The following NPRL3 variants were observed in gnomAD, a reference collection of about 807,000 sequenced individuals.
NPRL3 encodes GATOR1 complex protein NPRL3.
Under a neutral mutation model 57.2 loss-of-function variants are expected in NPRL3, and 23 were observed. That is an observed-to-expected ratio of 0.40 (90% CI 0.29 to 0.57). NPRL3 has a LOEUF of 0.57. Ranked by LOEUF, NPRL3 falls within the 20% of genes least tolerant of loss-of-function variation. The probability of loss-of-function intolerance (pLI) is 0.42; values close to 1 mark genes in which losing one functional copy is unlikely to be tolerated. For missense variants in NPRL3, 691 were observed against 767.1 expected (o/e 0.90, Z 1.17); for synonymous variants, 333 against 321.1 (o/e 1.04, Z -0.39).
intron 2 of NPRL3, among the ~76,000 whole-genome samples, chr16:133,808 A>G (rs1900926317): frequency 6.6e-6 from 1 of 152,196 alleles, no homozygotes; most frequent in East Asian, 1.9e-4. Context: ...TTTTGATTTA[A>G]TGTGAGAAAC....
chr16:92,874 C>CATA, intron 10 of NPRL3, 149 bp from the exon 11 acceptor site: 1 of 981,630 alleles, frequency 1.0e-6, no homozygotes, highest in Non-Finnish European at 1.5e-6. Context: ...AGGCAGGCCT[C>CATA]CAGGTGGACA....
At chr16:134,621 G>A (rs368048210) in intron 2 of NPRL3, among the ~76,000 whole-genome samples, 11 of 150,412 alleles carry the variant, frequency 7.3e-5, no homozygotes, top group Middle Eastern at 3.5e-3. Flanking sequence ...CCAGGATAAC[G>A]CTGAAAAAGA....
chr16:92,555 C>T (rs556372972), intron 11 of NPRL3, 41 bp downstream of exon 11: 15 of 1,602,826 alleles, frequency 9.4e-6, no homozygotes, highest in South Asian at 2.2e-5. Context: ...CTATCCACTA[C>T]ACACCTGCCA....
At chr16:104,777 C>T (rs1254857306) in intron 7 of NPRL3, among the ~76,000 whole-genome samples, 2 of 152,160 alleles carry the variant, frequency 1.3e-5, no homozygotes, top group African/African-American at 4.8e-5. Context: ...CCCCAAAGGC[C>T]ATGGCAGACC....
chr16:136,163 C>T (rs944014044), intron 2 of NPRL3, among the ~76,000 whole-genome samples: 1 of 152,182 alleles, frequency 6.6e-6, no homozygotes, highest in African/African-American at 2.4e-5. Context: ...CTGGAAAGAA[C>T]GTTTGAACTT....
At chr16:121,350 T>C (rs1481110854) in intron 3 of NPRL3, among the ~76,000 whole-genome samples, 2 of 152,128 alleles carry the variant, frequency 1.3e-5, no homozygotes, top group East Asian at 3.9e-4. Flanking sequence ...GGGCCAGGCG[T>C]GGTGGCTCAC....
At chr16:95,348 T>TACACACACAC (rs769252741) in intron 9 of NPRL3, among the ~76,000 whole-genome samples, 12 of 45,018 alleles carry the variant, frequency 2.7e-4, no homozygotes, top group African/African-American at 5.4e-4. Context: ...TATATATATA[T>TACACACACAC]ATACACACAC....
intron 7 of NPRL3, among the ~76,000 whole-genome samples, chr16:106,503 G>A (rs1407923745): frequency 6.6e-6 from 1 of 151,450 alleles, no homozygotes; most frequent in East Asian, 1.9e-4. Flanking sequence ...GCGTGGGGGC[G>A]GGTGCCTATA....
intron 7 of NPRL3, among the ~76,000 whole-genome samples, chr16:102,852 G>C (rs1430504545): frequency 6.6e-6 from 1 of 152,198 alleles, no homozygotes; most frequent in East Asian, 1.9e-4. Context: ...TGCTAACCAA[G>C]TATGTCGGGG....
At chr16:131,612 A>AC (rs1245399674) in intron 2 of NPRL3, among the ~76,000 whole-genome samples, 1 of 151,454 alleles carries the variant, frequency 6.6e-6, no homozygotes, top group African/African-American at 2.4e-5. Context: ...AAAAAAAAAA[A>AC]AAAAAAACGC....
chr16:116,282 C>T (rs1330245621), intron 5 of NPRL3, among the ~76,000 whole-genome samples: 1 of 152,184 alleles, frequency 6.6e-6, no homozygotes, highest in Admixed American at 6.5e-5. Context: ...AGGTGGACAA[C>T]ATTCGTCATG....
At chr16:111,271 G>A (rs1243810482) in intron 6 of NPRL3, among the ~76,000 whole-genome samples, 2 of 151,888 alleles carry the variant, frequency 1.3e-5, no homozygotes, top group Non-Finnish European at 2.9e-5. Context: ...GTGGTGGCGG[G>A]CGCCTGTAGT....
At chr16:136,728 T>C (rs1345209826) in intron 2 of NPRL3, among the ~76,000 whole-genome samples, 1 of 151,050 alleles carries the variant, frequency 6.6e-6, no homozygotes, top group African/African-American at 2.4e-5. Context: ...TACGCCTGTA[T>C]TGACACAGAA....
chr16:91,184 C>A (rs1385151117), intron 11 of NPRL3: 2 of 151,858 alleles, frequency 1.3e-5, no homozygotes, highest in African/African-American at 2.4e-5. Context: ...TAGAGACCAC[C>A]CTGGTCAACA....
chr16:93,385 AG>A (rs1898848208), intron 9 of NPRL3, 60 bp from the exon 10 acceptor site: 1 of 1,106,728 alleles, frequency 9.0e-7, no homozygotes, highest in African/African-American at 1.6e-5. Flanking sequence ...GGGAGCTGTC[AG>A]CAGCTCTCAG....
At chr16:106,330 A>G (rs537778145) in intron 7 of NPRL3, among the ~76,000 whole-genome samples, 1 of 149,634 alleles carries the variant, frequency 6.7e-6, no homozygotes, top group South Asian at 2.1e-4. Flanking sequence ...AAATAAATAA[A>G]TAAATAAAAT....
chr16:129,804 G>C (rs1280453678), intron 3 of NPRL3, among the ~76,000 whole-genome samples: 1 of 152,120 alleles, frequency 6.6e-6, no homozygotes, highest in Non-Finnish European at 1.5e-5. Context: ...CCGGGACAGT[G>C]GAAGCCAAGT....
chr16:120,140 T>C (rs1292909617), intron 3 of NPRL3, among the ~76,000 whole-genome samples: 1 of 152,118 alleles, frequency 6.6e-6, no homozygotes, highest in Non-Finnish European at 1.5e-5. Flanking sequence ...GAAACACAAA[T>C]GTACTACCTC....
intron 11 of NPRL3, 54 bp downstream of exon 11, chr16:92,537 GGTAGT>G: frequency 1.3e-6 from 2 of 1,573,352 alleles, no homozygotes; most frequent in Non-Finnish European, 1.7e-6. Context: ...CAGCCAGGCA[GGTAGT>G]GCCTATCCAC....
Sources: gnomAD v4.1 joint callset for allele counts (sites outside exome capture counted in the v4.1 genomes callset) on GRCh38, gnomAD v4.1.1 for gene constraint, MANE v1.5 for transcripts, NCBI Gene and HGNC (gene_info 2026-07-23, HGNC 2026-07-21) for gene names.